OPHN1: variants seen among roughly 807,000 people sequenced by gnomAD.
OPHN1 encodes oligophrenin-1.
Under a neutral mutation model 60.7 loss-of-function variants are expected in OPHN1, and 11 were observed. The observed-to-expected ratio is 0.18, with a 90% CI of 0.11 to 0.30. The LOEUF (loss-of-function observed/expected upper bound fraction) is 0.30, where lower values mean the gene tolerates loss of function less well. Ranked by LOEUF, OPHN1 falls within the 10% of genes least tolerant of loss-of-function variation. The probability of loss-of-function intolerance (pLI) is 1.00; values close to 1 mark genes in which losing one functional copy is unlikely to be tolerated. For synonymous variants in OPHN1, 226 were observed against 222.6 expected, an observed-to-expected ratio of 1.02 and a Z score of -0.14; for missense variants, 449 against 611.0, an observed-to-expected ratio of 0.73 and a Z score of 2.80.
chrX:68,381,518 T>C (rs1011911654), intron 2 of OPHN1, among the ~76,000 whole-genome samples: 1 of 111,481 alleles, frequency 9.0e-6, no homozygotes, highest in Non-Finnish European at 1.9e-5. Context: ...CTCCCAACCA[T>C]CTCCAACCTA....
At chrX:68,279,739 C>G (rs1286986657) in intron 4 of OPHN1, among the ~76,000 whole-genome samples, 1 of 111,614 alleles carries the variant, frequency 9.0e-6, no homozygotes, top group East Asian at 2.8e-4. Context: ...ACCATCTCAG[C>G]ATTCCTGGAA....
At chrX:68,177,443 T>G (rs145403307) in intron 15 of OPHN1, among the ~76,000 whole-genome samples, 6,351 of 111,269 alleles carry the variant, frequency 0.057, 148 homozygotes, top group Non-Finnish European at 0.068. Context: ...TATATGAAAT[T>G]TTAAGAATAT....
intron 12 of OPHN1, among the ~76,000 whole-genome samples, chrX:68,196,589 T>C (rs1468818722): frequency 8.9e-6 from 1 of 111,842 alleles, no homozygotes; most frequent in Non-Finnish European, 1.9e-5. Context: ...CTGTTTCTAT[T>C]GGTCGCTTGA....
At position 68,204,547 on chromosome X, in the gene OPHN1, T is replaced by G. The variant is rs548265130; in HGVS notation, c.933+2026A>C. 1.1e-4 allele frequency among the ~76,000 whole-genome samples: 12 copies of G among 111,993 alleles called. No homozygotes were observed. In the South Asian group the frequency reaches 4.5e-3, roughly 42 times the overall value. On this transcript the variant is annotated intron_variant, in intron 10 of 24. Coordinates refer to ENST00000355520, the MANE Select transcript of OPHN1 (RefSeq NM_002547.3). ...TTATGGTATCATTTATTTGTAAAAT[T>G]TATAATTGTAAAATACAAACTAGTA...
intron 2 of OPHN1, among the ~76,000 whole-genome samples, chrX:68,373,416 AT>A (rs2078539526): frequency 8.9e-6 from 1 of 111,904 alleles, no homozygotes; most frequent in African/African-American, 3.2e-5. Context: ...CATTTAATCC[AT>A]CACATATGAC....
chrX:68,321,011 C>T, intron 2 of OPHN1, among the ~76,000 whole-genome samples: 1 of 112,194 alleles, frequency 8.9e-6, no homozygotes, highest in Non-Finnish European at 1.9e-5. Flanking sequence ...CCTCTGGGAA[C>T]CTTCATGTGT....
intron 2 of OPHN1, chrX:68,336,454 T>G (rs2078322893): frequency 9.1e-6 from 1 of 110,349 alleles, no homozygotes; most frequent in African/African-American, 3.3e-5. Flanking sequence ...CTTGGGAAGC[T>G]GAGGTAGGAG....
At chrX:68,269,712 G>A (rs1602286465) in intron 5 of OPHN1, among the ~76,000 whole-genome samples, 2 of 111,701 alleles carry the variant, frequency 1.8e-5, no homozygotes, top group Admixed American at 9.5e-5. Flanking sequence ...CAAAAGCAAT[G>A]GCAACAAAAG....
intron 2 of OPHN1, among the ~76,000 whole-genome samples, chrX:68,349,565 C>T (rs2078396575): frequency 9.0e-6 from 1 of 111,686 alleles, no homozygotes; most frequent in Non-Finnish European, 1.9e-5. Context: ...TGGGTATATA[C>T]CCAAAGGATT....
chrX:68,084,962 A>G, intron 19 of OPHN1, among the ~76,000 whole-genome samples: 1 of 112,505 alleles, frequency 8.9e-6, no homozygotes, highest in Non-Finnish European at 1.9e-5. Context: ...TGCAGTCATC[A>G]CGGATTGCAA....
chrX:68,073,330 A>G, intron 19 of OPHN1, 31 bp from the exon 20 acceptor site: 3 of 1,165,435 alleles, frequency 2.6e-6, no homozygotes, highest in Non-Finnish European at 2.3e-6. Flanking sequence ...TATCTAGAGA[A>G]TAATTAGATC....
At chrX:68,177,999 G>C (rs1474948984) in intron 15 of OPHN1, among the ~76,000 whole-genome samples, 1 of 111,677 alleles carries the variant, frequency 9.0e-6, no homozygotes, top group Non-Finnish European at 1.9e-5. Context: ...AATTAGAAAA[G>C]TTTGGAGATT....
chrX:68,146,452 C>A (rs182676199), intron 15 of OPHN1, among the ~76,000 whole-genome samples: 2 of 112,044 alleles, frequency 1.8e-5, no homozygotes, highest in East Asian at 5.6e-4. Flanking sequence ...AAAGAAAGAC[C>A]AAACAACATA....
intron 2 of OPHN1, among the ~76,000 whole-genome samples, chrX:68,413,398 C>T (rs1040341645): frequency 1.8e-5 from 2 of 110,812 alleles, no homozygotes; most frequent in African/African-American, 3.3e-5. Flanking sequence ...TTCAAAGATA[C>T]AGTGCTGGAA....
At chrX:68,131,934 C>T (rs1170177356) in intron 15 of OPHN1, among the ~76,000 whole-genome samples, 3 of 112,195 alleles carry the variant, frequency 2.7e-5, no homozygotes, top group Non-Finnish European at 5.6e-5. Flanking sequence ...GTCCATTCCG[C>T]ATGGAAAATT....
intron 15 of OPHN1, among the ~76,000 whole-genome samples, chrX:68,160,270 A>G (rs1453369665): frequency 1.8e-5 from 2 of 111,152 alleles, no homozygotes; most frequent in East Asian, 5.6e-4. Flanking sequence ...ACAGAGTACC[A>G]AAGTACATTA....
chrX:68,217,178 G>C (rs1013651636), intron 6 of OPHN1, among the ~76,000 whole-genome samples: 2 of 111,852 alleles, frequency 1.8e-5, no homozygotes, highest in Admixed American at 9.4e-5. Context: ...GATGGCACCT[G>C]GAAAATCGGG....
intron 6 of OPHN1, among the ~76,000 whole-genome samples, chrX:68,216,445 A>G (rs1268231631): frequency 9.0e-6 from 1 of 111,146 alleles, no homozygotes; most frequent in Non-Finnish European, 1.9e-5. Context: ...AGACTGTCAT[A>G]GTGCACAAAA....
rs2078384895 is a variant in OPHN1, at chrX:68,347,550, T to C, written c.155-48454A>G. 3.6e-5 allele frequency among the ~76,000 whole-genome samples: 4 copies of C among 110,995 alleles called. No homozygotes were observed. In the Admixed American group the frequency reaches 3.9e-4, roughly 11 times the overall value. ...TCAGGCTGGTTTCAAACTCTCAGGC[T>C]CAAGCAATCGTCCTGCCTCAGCCTC... is the stretch of plus-strand genomic sequence containing the variant. On this transcript the variant is annotated intron_variant, in intron 2 of 24. Transcript: ENST00000355520.
Sources: gnomAD v4.1 joint callset for allele counts (sites outside exome capture counted in the v4.1 genomes callset) on GRCh38, gnomAD v4.1.1 for gene constraint, MANE v1.5 for transcripts, NCBI Gene and HGNC (gene_info 2026-07-23, HGNC 2026-07-21) for gene names.